The following FAM168A variants were observed in gnomAD, a reference collection of about 807,000 sequenced individuals.
FAM168A encodes family with sequence similarity 168 member A.
A neutral mutation model predicts 28.5 loss-of-function variants in FAM168A; 3 were observed. That is an observed-to-expected ratio of 0.11 (90% CI 0.05 to 0.27). The LOEUF (loss-of-function observed/expected upper bound fraction) is 0.27, where lower values mean the gene tolerates loss of function less well. FAM168A is among the 10% of genes least tolerant of loss of function. FAM168A has a pLI of 1.00. For missense variants in FAM168A, 222 were observed against 311.5 expected (o/e 0.71, Z 2.16); for synonymous variants, 122 against 124.2 (o/e 0.98, Z 0.12).
intron 1 of FAM168A, among the ~76,000 whole-genome samples, chr11:73,501,106 CAT>C (rs1339061823): frequency 6.6e-6 from 1 of 151,886 alleles, no homozygotes; most frequent in Non-Finnish European, 1.5e-5. Context: ...AAGGGCATTA[CAT>C]AATGGCAAAG....
intron 4 of FAM168A, among the ~76,000 whole-genome samples, chr11:73,415,602 T>C (rs2134488619): frequency 6.6e-6 from 1 of 152,346 alleles, no homozygotes; most frequent in Middle Eastern, 3.4e-3. Flanking sequence ...GGAAATCATT[T>C]CAGAGGACTT....
At chr11:73,566,029 A>G (rs1276579404) in intron 1 of FAM168A, among the ~76,000 whole-genome samples, 1 of 152,230 alleles carries the variant, frequency 6.6e-6, no homozygotes. Flanking sequence ...AATTAGTTGA[A>G]AAGTAAACCA....
chr11:73,481,458 T>A lies in FAM168A; in HGVS notation c.-18-12966A>T, dbSNP rs139952143. 5.0e-3 allele frequency among the ~76,000 whole-genome samples: 760 copies of A among 152,270 alleles called. 8 individuals are homozygous for A. The highest frequency in any genetic ancestry group is 0.018 in the African/African-American group (730 of 41,540). Reference sequence around the variant, plus strand: ...ATTATCACATATCTCTGAAGCAGAATTATAATTTGCTAGAAATGGATTGCT... The same window carrying A: ...ATTATCACATATCTCTGAAGCAGAAATATAATTTGCTAGAAATGGATTGCT... On this transcript the variant is annotated intron_variant, in intron 1 of 7. Transcript: ENST00000356467.
chr11:73,567,232 T>C (rs972433963), intron 1 of FAM168A, among the ~76,000 whole-genome samples: 5 of 152,282 alleles, frequency 3.3e-5, no homozygotes, highest in African/African-American at 9.6e-5. Context: ...ACTGAAGGAA[T>C]ATGAGAAGAT....
intron 3 of FAM168A, among the ~76,000 whole-genome samples, chr11:73,426,737 G>A (rs1173102480): frequency 6.6e-6 from 1 of 150,922 alleles, no homozygotes; most frequent in East Asian, 2.0e-4. Flanking sequence ...GTGTGTGTAA[G>A]TAACTCAAAG....
intron 1 of FAM168A, among the ~76,000 whole-genome samples, chr11:73,519,647 A>G (rs1943351104): frequency 6.6e-6 from 1 of 152,120 alleles, no homozygotes; most frequent in African/African-American, 2.4e-5. Context: ...ATATTTTAGG[A>G]AAAAGAACAG....
chr11:73,435,834 C>T (rs962263800), intron 2 of FAM168A, among the ~76,000 whole-genome samples: 2 of 152,182 alleles, frequency 1.3e-5, no homozygotes, highest in East Asian at 1.9e-4. Context: ...AAGATATTTT[C>T]GCATTTGCTT....
chr11:73,404,329 T>TGAC lies in FAM168A; in HGVS notation c.*2433_*2434insGTC, dbSNP rs1164753551. The TGAC allele has an allele frequency of 6.6e-6, 1 of 152,220 alleles. No individual in the cohort carries two copies. Among genetic ancestry groups the TGAC allele is most frequent in the Non-Finnish European group, 1.5e-5 (1 of 68,048 alleles). The allele number at this position is 152,220 out of a possible 1,614,324, so 9.4% of individuals were successfully genotyped here. A position where few individuals can be genotyped will look rare whatever the true frequency, so the allele number is the denominator to read the frequency against. On this transcript the variant is annotated 3_prime_UTR_variant, in exon 8 of 8. Coordinates refer to ENST00000356467, the MANE Select transcript of FAM168A (RefSeq NM_015159.3). ...TCCCTTCCATAACCTGTTTCCTCAT[T>TGAC]TGTCAATTGACTGTAATAACTCTAA...
chr11:73,583,591 C>T (rs1039646823), intron 1 of FAM168A, among the ~76,000 whole-genome samples: 2 of 152,154 alleles, frequency 1.3e-5, no homozygotes, highest in Admixed American at 1.3e-4. Flanking sequence ...TAGGAAATCA[C>T]GGAAAACCTT....
rs909158648 is a variant in FAM168A, at chr11:73,433,105, T to C, written c.71-2335A>G. Among the ~76,000 whole-genome samples the C allele has an allele frequency of 2.2e-5, 3 of 139,230 alleles. No individual in the cohort carries two copies. The South Asian group carries it at 6.9e-4, about 32-fold the overall frequency. 91.3% of individuals were successfully genotyped at this position (139,230 alleles called of 152,430 possible). A position where few individuals can be genotyped will look rare whatever the true frequency, so the allele number is the denominator to read the frequency against. ...TTTTTTTTTTTTTTTTTTTTTTTTTTGTAGAGACGGGGGTCTCATTATGTT... is the reference window on the plus strand; with the variant it reads ...TTTTTTTTTTTTTTTTTTTTTTTTTCGTAGAGACGGGGGTCTCATTATGTT... On this transcript the variant is annotated intron_variant, in intron 2 of 7. Transcript: ENST00000356467.
intron 1 of FAM168A, among the ~76,000 whole-genome samples, chr11:73,486,826 T>C (rs1868059434): frequency 6.6e-6 from 1 of 152,242 alleles, no homozygotes; most frequent in Non-Finnish European, 1.5e-5. Context: ...GAATAAAGAT[T>C]AATGCTTAGC....
At chr11:73,590,434 T>C (rs1462695043) in intron 1 of FAM168A, among the ~76,000 whole-genome samples, 2 of 152,184 alleles carry the variant, frequency 1.3e-5, no homozygotes, top group African/African-American at 4.8e-5. Context: ...TGAGAAACTG[T>C]TGCTACATAG....
At chr11:73,556,276 G>A (rs1943888356) in intron 1 of FAM168A, among the ~76,000 whole-genome samples, 1 of 151,822 alleles carries the variant, frequency 6.6e-6, no homozygotes, top group Non-Finnish European at 1.5e-5. Flanking sequence ...TTGTGCCTAA[G>A]AATTCGAGGT....
chr11:73,555,460 T>G (rs1017264631), intron 1 of FAM168A, among the ~76,000 whole-genome samples: 2 of 151,800 alleles, frequency 1.3e-5, no homozygotes, highest in African/African-American at 4.8e-5. Context: ...GTCCCAGCAC[T>G]TTGGGAGGTC....
At chr11:73,421,075 G>GGT (rs139469410) in intron 3 of FAM168A, among the ~76,000 whole-genome samples, 1 of 151,142 alleles carries the variant, frequency 6.6e-6, no homozygotes, top group African/African-American at 2.4e-5. Flanking sequence ...AAGTCTTGGG[G>GGT]GGGGGGTCAT....
At chr11:73,591,931 T>C (rs1245034124) in intron 1 of FAM168A, among the ~76,000 whole-genome samples, 1 of 152,252 alleles carries the variant, frequency 6.6e-6, no homozygotes, top group African/African-American at 2.4e-5. Flanking sequence ...ATAGCTGTTA[T>C]CTACTGATAG....
intron 2 of FAM168A, among the ~76,000 whole-genome samples, chr11:73,441,808 G>A (rs950325703): frequency 6.6e-6 from 1 of 152,180 alleles, no homozygotes; most frequent in African/African-American, 2.4e-5. Context: ...ATTGTTCACG[G>A]TCTTACCTCA....
intron 1 of FAM168A, among the ~76,000 whole-genome samples, chr11:73,496,897 A>ACACACACG (rs1854895309): frequency 2.7e-5 from 4 of 150,258 alleles, no homozygotes; most frequent in African/African-American, 4.9e-5. Context: ...ACACACACAC[A>ACACACACG]CACACACACG....
At chr11:73,432,526 C>T (rs188539388) in intron 2 of FAM168A, among the ~76,000 whole-genome samples, 3 of 152,176 alleles carry the variant, frequency 2.0e-5, no homozygotes, top group Admixed American at 6.5e-5. Context: ...ATTTCCCTAA[C>T]GACTAACGAT....
Sources: allele counts gnomAD v4.1 joint callset (sites outside exome capture counted in the v4.1 genomes callset), GRCh38; gene constraint gnomAD v4.1.1; transcripts MANE v1.5; gene names NCBI Gene and HGNC (gene_info 2026-07-23, HGNC 2026-07-21).